CLTCL1: variants seen among roughly 807,000 people sequenced by gnomAD.
The protein encoded by CLTCL1 is clathrin heavy chain like 1, also known as clathrin heavy chain 2.
Under a neutral mutation model 190.0 loss-of-function variants are expected in CLTCL1, and 159 were observed. The observed-to-expected ratio is 0.84, with a 90% CI of 0.74 to 0.95. The LOEUF (loss-of-function observed/expected upper bound fraction) is 0.95, where lower values mean the gene tolerates loss of function less well. Among genes scored for constraint, CLTCL1 ranks in the 40% least tolerant of loss-of-function variants. CLTCL1 has a pLI of 0.00. For missense variants in CLTCL1, 1,878 were observed against 2,033.4 expected (o/e 0.92, Z 1.47); for synonymous variants, 752 against 769.6 (o/e 0.98, Z 0.38).
intron 30 of CLTCL1, chr22:19,182,985 C>A: frequency 4.0e-6 from 1 of 248,630 alleles, no homozygotes; most frequent in Non-Finnish European, 8.0e-6. Flanking sequence ...CAGCTACCAC[C>A]AACCGTATGC....
At chr22:19,214,936 C>G (rs540425973) in intron 19 of CLTCL1, among the ~76,000 whole-genome samples, 1 of 152,314 alleles carries the variant, frequency 6.6e-6, no homozygotes, top group South Asian at 2.1e-4. Flanking sequence ...GGATTACAGG[C>G]GTGAGCCACT....
chr22:19,185,599 T>C (rs1270986048), intron 29 of CLTCL1, among the ~76,000 whole-genome samples: 1 of 152,226 alleles, frequency 6.6e-6, no homozygotes, highest in East Asian at 1.9e-4. Flanking sequence ...GTGCTGGGAT[T>C]ACAGGCATGA....
At chr22:19,285,409 G>A (rs1555989594) in intron 1 of CLTCL1, among the ~76,000 whole-genome samples, 1 of 152,184 alleles carries the variant, frequency 6.6e-6, no homozygotes, top group African/African-American at 2.4e-5. Flanking sequence ...TCCAGGAGTA[G>A]GTTAGTTCAG....
At chr22:19,212,620 G>T (rs1277785180) in intron 19 of CLTCL1, among the ~76,000 whole-genome samples, 2 of 142,112 alleles carry the variant, frequency 1.4e-5, no homozygotes, top group Admixed American at 7.3e-5. Flanking sequence ...AGGAAGGAAA[G>T]AAAGAGAAAG....
At position 19,222,735 on chromosome 22, in the gene CLTCL1, T is replaced by C. The variant is rs782167829; in HGVS notation, c.2367A>G (p.Leu789=). 7 of 1,597,806 alleles carry C rather than the reference T, an allele frequency of 4.4e-6. No homozygotes were observed. Among genetic ancestry groups the C allele is most frequent in the Non-Finnish European group, 6.0e-6 (7 of 1,172,166 alleles). The change falls in exon 15 of 33, where the codon CTA becomes CTG. Residue 789 remains leucine, a synonymous_variant. Coordinates refer to ENST00000427926, the MANE Select transcript of CLTCL1 (RefSeq NM_007098.4). The part of the protein sequence containing the change: ...DRFGFVHDLV[L]YLYRNNLQRY... ...TCTGCAGGTTGTTGCGGTATAAATATAGGACAAGGTCATGGACAAAGCCAA... is the reference window on the plus strand; with the variant it reads ...TCTGCAGGTTGTTGCGGTATAAATACAGGACAAGGTCATGGACAAAGCCAA...
intron 3 of CLTCL1, chr22:19,249,860 T>TA (rs782406842): frequency 4.2e-3 from 1,582 of 378,738 alleles, no homozygotes; most frequent in South Asian, 6.6e-3. Flanking sequence ...TTTTGAAACT[T>TA]AAAAAAAAAA....
At chr22:19,213,118 A>G (rs2085283998) in intron 19 of CLTCL1, among the ~76,000 whole-genome samples, 1 of 152,242 alleles carries the variant, frequency 6.6e-6, no homozygotes, top group South Asian at 2.1e-4. Flanking sequence ...GAACTCTGAA[A>G]ACTCAACAAA....
intron 8 of CLTCL1, 21 bp downstream of exon 8, chr22:19,233,401 C>T (rs375337224): frequency 2.0e-5 from 33 of 1,613,320 alleles, no homozygotes; most frequent in Admixed American, 3.3e-5. Context: ...GGGGGGGCTA[C>T]GAGCTCACAA....
intron 4 of CLTCL1, among the ~76,000 whole-genome samples, chr22:19,240,418 T>A (rs919538537): frequency 6.6e-6 from 1 of 151,976 alleles, no homozygotes; most frequent in Non-Finnish European, 1.5e-5. Flanking sequence ...GTTTGCGGTC[T>A]GGGTTTGGCC....
At chr22:19,246,379 G>A (rs1345188820) in intron 3 of CLTCL1, among the ~76,000 whole-genome samples, 2 of 151,976 alleles carry the variant, frequency 1.3e-5, no homozygotes, top group Non-Finnish European at 2.9e-5. Flanking sequence ...ACTTTTTGAG[G>A]AACCACCAAA....
intron 1 of CLTCL1, among the ~76,000 whole-genome samples, chr22:19,286,359 G>T (rs1555990125): frequency 3.9e-5 from 6 of 152,164 alleles, no homozygotes; most frequent in Admixed American, 3.9e-4. Context: ...TAACTGGCCA[G>T]TATGTATTTC....
At chr22:19,282,546 G>A (rs544174741) in intron 1 of CLTCL1, among the ~76,000 whole-genome samples, 2 of 147,970 alleles carry the variant, frequency 1.4e-5, no homozygotes, top group African/African-American at 5.0e-5. Context: ...GCCGAGGCAG[G>A]AGAACCCAGG....
chr22:19,249,511 G>T (rs932437313), intron 3 of CLTCL1, among the ~76,000 whole-genome samples: 1 of 151,688 alleles, frequency 6.6e-6, no homozygotes. Context: ...TGGCCAACAC[G>T]GTGAAACCCT....
intron 27 of CLTCL1, 34 bp from the exon 28 acceptor site, chr22:19,188,125 C>G: frequency 6.2e-7 from 1 of 1,600,092 alleles, no homozygotes; most frequent in Non-Finnish European, 8.6e-7. Flanking sequence ...AGGCACTTGG[C>G]CAAGCTTGTT....
At chr22:19,197,644 T>C (rs1365891479) in intron 24 of CLTCL1, among the ~76,000 whole-genome samples, 3 of 152,178 alleles carry the variant, frequency 2.0e-5, no homozygotes, top group Non-Finnish European at 2.9e-5. Flanking sequence ...TTCCTCTCCC[T>C]GTTCTCTCCA....
chr22:19,274,500 C>T (rs2087430120), intron 2 of CLTCL1, among the ~76,000 whole-genome samples: 1 of 152,064 alleles, frequency 6.6e-6, no homozygotes, highest in Non-Finnish European at 1.5e-5. Context: ...ATTACTTTGA[C>T]AAGATTACAA....
chr22:19,196,966 G>A (rs576577493), intron 24 of CLTCL1, among the ~76,000 whole-genome samples: 50 of 152,294 alleles, frequency 3.3e-4, no homozygotes, highest in African/African-American at 1.2e-3. Flanking sequence ...AACAGGGTCT[G>A]GGAATGATTT....
At chr22:19,210,180 T>A in intron 20 of CLTCL1, 146 bp downstream of exon 20, 1 of 684,614 alleles carries the variant, frequency 1.5e-6, no homozygotes, top group South Asian at 2.2e-5. Context: ...GAAGATGGGT[T>A]GCTGGTGAGG....
intron 1 of CLTCL1, among the ~76,000 whole-genome samples, chr22:19,286,977 G>A (rs570500195): frequency 6.0e-4 from 92 of 152,250 alleles, no homozygotes; most frequent in African/African-American, 2.1e-3. Context: ...ACATGTTTAC[G>A]TTTTCTGTGT....
Sources: allele counts gnomAD v4.1 joint callset (sites outside exome capture counted in the v4.1 genomes callset), GRCh38; gene constraint gnomAD v4.1.1; transcripts MANE v1.5; gene names NCBI Gene and HGNC (gene_info 2026-07-23, HGNC 2026-07-21).